CDH13: variants seen among roughly 807,000 people sequenced by gnomAD.
The protein encoded by CDH13 is cadherin 13.
In CDH13, 24 loss-of-function variants were observed where a neutral mutation model predicts 63.8. The observed-to-expected ratio is 0.38, with a 90% CI of 0.27 to 0.53. The LOEUF (loss-of-function observed/expected upper bound fraction) is 0.53. Ranked by LOEUF, CDH13 falls within the 20% of genes least tolerant of loss-of-function variation. The probability of loss-of-function intolerance (pLI) is 0.85; values close to 1 mark genes in which losing one functional copy is unlikely to be tolerated. For missense variants in CDH13, 1,049 were observed against 903.1 expected, an observed-to-expected ratio of 1.16 and a Z score of -2.07; for synonymous variants, 503 against 355.3, an observed-to-expected ratio of 1.42 and a Z score of -4.67.
At chr16:83,510,943 A>T (rs1417790835) in intron 7 of CDH13, among the ~76,000 whole-genome samples, 2 of 152,360 alleles carry the variant, frequency 1.3e-5, no homozygotes, top group African/African-American at 2.4e-5. Context: ...CTGAGAGAAG[A>T]CTACCATGCC....
At chr16:83,299,756 A>G (rs1372765551) in intron 5 of CDH13, among the ~76,000 whole-genome samples, 1 of 152,244 alleles carries the variant, frequency 6.6e-6, no homozygotes, top group Non-Finnish European at 1.5e-5. Flanking sequence ...ATGAAAATTC[A>G]TGGAGTTTAT....
At chr16:83,491,546 C>G (rs1316226985) in intron 7 of CDH13, among the ~76,000 whole-genome samples, 1 of 150,832 alleles carries the variant, frequency 6.6e-6, no homozygotes, top group Non-Finnish European at 1.5e-5. Context: ...TTTGCAACTA[C>G]TCAGAGTAAC....
chr16:83,403,624 A>AT (rs1314682650), intron 6 of CDH13, among the ~76,000 whole-genome samples: 14 of 151,450 alleles, frequency 9.2e-5, no homozygotes, highest in African/African-American at 3.2e-4. Flanking sequence ...CTCCGTCTCA[A>AT]AAATAATAAT....
At chr16:83,379,938 T>TATATATATATATATAGAGAGAG in intron 6 of CDH13, among the ~76,000 whole-genome samples, 127 of 123,418 alleles carry the variant, frequency 1.0e-3, no homozygotes, top group Middle Eastern at 4.2e-3. Flanking sequence ...TATATATATA[T>TATATATATATATATAGAGAGAG]AGAGAGAGAG....
intron 2 of CDH13, among the ~76,000 whole-genome samples, chr16:82,926,342 G>A (rs188383132): frequency 4.3e-4 from 66 of 151,744 alleles, no homozygotes; most frequent in African/African-American, 1.5e-3. Flanking sequence ...TCTCTTGCAT[G>A]AGGCTTTTAA....
chr16:83,086,206 TCAGA>T (rs1398722260), intron 3 of CDH13, among the ~76,000 whole-genome samples: 2 of 152,224 alleles, frequency 1.3e-5, no homozygotes, highest in Non-Finnish European at 1.5e-5. Context: ...AGCGGTTTTC[TCAGA>T]CAGAGTCTTG....
chr16:83,411,590 AC>A (rs1371543199), intron 6 of CDH13, among the ~76,000 whole-genome samples: 3 of 152,244 alleles, frequency 2.0e-5, no homozygotes, highest in Non-Finnish European at 4.4e-5. Flanking sequence ...CATTTGGCAC[AC>A]AGCACATGCT....
chr16:83,005,694 A>T (rs954966107), intron 2 of CDH13, among the ~76,000 whole-genome samples: 1 of 152,196 alleles, frequency 6.6e-6, no homozygotes, highest in Admixed American at 6.5e-5. Flanking sequence ...TTCTCACCAG[A>T]AGTACCCTAA....
chr16:83,582,631 G>C (rs1905728665), intron 7 of CDH13, among the ~76,000 whole-genome samples: 1 of 152,158 alleles, frequency 6.6e-6, no homozygotes, highest in Non-Finnish European at 1.5e-5. Context: ...GGTCTCTCAG[G>C]AGTGGAGACA....
intron 4 of CDH13, among the ~76,000 whole-genome samples, chr16:83,147,572 C>A (rs1221515272): frequency 6.6e-6 from 1 of 152,148 alleles, no homozygotes; most frequent in Admixed American, 6.5e-5. Context: ...TGTGATTCTC[C>A]CAACATCCCT....
intron 9 of CDH13, among the ~76,000 whole-genome samples, chr16:83,674,039 A>G (rs1483522311): frequency 6.6e-6 from 1 of 152,216 alleles, no homozygotes; most frequent in Middle Eastern, 3.2e-3. Flanking sequence ...CTCTCAGCAC[A>G]TGTGAGGCAG....
At chr16:82,830,041 C>G (rs765550844) in intron 1 of CDH13, among the ~76,000 whole-genome samples, 1 of 152,190 alleles carries the variant, frequency 6.6e-6, no homozygotes, top group Non-Finnish European at 1.5e-5. Context: ...ATAGATATAT[C>G]TCATTTAATC....
At chr16:82,691,911 G>C (rs1443861407) in intron 1 of CDH13, among the ~76,000 whole-genome samples, 1 of 152,068 alleles carries the variant, frequency 6.6e-6, no homozygotes. Flanking sequence ...AATCAGAAAA[G>C]CTGCCAGCAA....
chr16:83,091,777 A>G (rs2033925200), intron 3 of CDH13, among the ~76,000 whole-genome samples: 1 of 152,232 alleles, frequency 6.6e-6, no homozygotes, highest in Non-Finnish European at 1.5e-5. Flanking sequence ...CCCAGCATCT[A>G]TAGCAGTGCC....
At chr16:82,688,475 C>A (rs1915308157) in intron 1 of CDH13, among the ~76,000 whole-genome samples, 1 of 152,220 alleles carries the variant, frequency 6.6e-6, no homozygotes. Flanking sequence ...ATTCAAGACT[C>A]TGAAGTCTAT....
intron 2 of CDH13, among the ~76,000 whole-genome samples, chr16:82,995,737 G>A (rs1286903084): frequency 6.6e-6 from 1 of 152,162 alleles, no homozygotes; most frequent in African/African-American, 2.4e-5. Flanking sequence ...GAAGCAGGAA[G>A]CCACTGCATT....
At chr16:82,724,938 G>A (rs1045755717) in intron 1 of CDH13, among the ~76,000 whole-genome samples, 2 of 152,160 alleles carry the variant, frequency 1.3e-5, no homozygotes, top group African/African-American at 4.8e-5. Context: ...GGATAATTTA[G>A]CTCATACTTA....
At chr16:83,007,869 T>C (rs1455514149) in intron 2 of CDH13, among the ~76,000 whole-genome samples, 1 of 152,036 alleles carries the variant, frequency 6.6e-6, no homozygotes, top group African/African-American at 2.4e-5. Context: ...AAAATTATTA[T>C]GCATGCAACT....
intron 5 of CDH13, among the ~76,000 whole-genome samples, chr16:83,283,665 C>G (rs1851110270): frequency 6.6e-6 from 1 of 152,268 alleles, no homozygotes; most frequent in Admixed American, 6.5e-5. Flanking sequence ...CTTTAGTGTT[C>G]TTACAGTGGT....
Sources: allele counts gnomAD v4.1 joint callset (sites outside exome capture counted in the v4.1 genomes callset), GRCh38; gene constraint gnomAD v4.1.1; transcripts MANE v1.5; gene names NCBI Gene and HGNC (gene_info 2026-07-23, HGNC 2026-07-21).